The following MGME1 variants were observed in gnomAD, a reference collection of about 807,000 sequenced individuals.
MGME1 encodes the protein mitochondrial genome maintenance exonuclease 1.
In MGME1, 22 loss-of-function variants were observed where a neutral mutation model predicts 33.0. The observed-to-expected ratio is 0.67, with a 90% confidence interval of 0.48 to 0.95. The LOEUF (loss-of-function observed/expected upper bound fraction) is 0.95. MGME1 is among the 40% of genes least tolerant of loss of function. The pLI is 0.00. For missense variants in MGME1, 383 were observed against 397.8 expected, an observed-to-expected ratio of 0.96 and a Z score of 0.32; for synonymous variants, 133 against 144.0, an observed-to-expected ratio of 0.92 and a Z score of 0.55.
At chr20:17,978,129 A>T (rs60396879) in intron 3 of MGME1, among the ~76,000 whole-genome samples, 18,300 of 152,196 alleles carry the variant, frequency 0.12, 1,170 homozygotes, top group Middle Eastern at 0.18. Flanking sequence ...AATTCTTCCA[A>T]TGTGGGCCAG....
chr20:17,973,873 G>A (rs1029940276), intron 2 of MGME1, among the ~76,000 whole-genome samples: 1 of 152,148 alleles, frequency 6.6e-6, no homozygotes, highest in East Asian at 1.9e-4. Flanking sequence ...TGCCTGGTGG[G>A]ATAGGGCCTC....
upstream of MGME1, chr20:17,968,594 GC>G (rs1218164867): frequency 1.5e-6 from 1 of 654,154 alleles, no homozygotes. Flanking sequence ...CATCCCAGCT[GC>G]CCCGGGAGCA....
At position 17,969,988 on chromosome 20, in the gene MGME1, A is replaced by G. The variant is rs1489248683; in HGVS notation, c.129A>G (p.Pro43=). The G allele has an allele frequency of 6.2e-7, 1 of 1,614,216 alleles. No homozygotes were observed. The highest frequency in any genetic ancestry group is 1.3e-5 in the African/African-American group (1 of 75,048). ...GTGGCCGGAAGAAAAAAGTGAACCC[A>G]TATGAAGAAGTGGACCAAGAAAAAT... The part of the protein sequence containing the change: ...YSCGRKKKVN[P]YEEVDQEKYS... Residue 43 remains proline (P), a synonymous_variant, in exon 2 of 5, where the codon CCA becomes CCG. Transcript: ENST00000377710.
intron 2 of MGME1, among the ~76,000 whole-genome samples, chr20:17,973,909 A>G (rs751289859): frequency 6.6e-6 from 1 of 152,146 alleles, no homozygotes; most frequent in Non-Finnish European, 1.5e-5. Flanking sequence ...GGTAACTTAC[A>G]ATCCCTATTT....
chr20:17,969,830 GCAA>G lies in MGME1; in HGVS notation c.-29_-27del. Reference sequence around the variant, plus strand: ...ACAAACATAAAGGCCTTCGACCGTTGCAAATAGACTAAAGTGAAAACAAATCTG... The same window carrying G: ...ACAAACATAAAGGCCTTCGACCGTTGATAGACTAAAGTGAAAACAAATCTG... On this transcript the variant is annotated 5_prime_UTR_variant, in exon 2 of 5. Transcript: ENST00000377710. The G allele has an allele frequency of 5.1e-6, 8 of 1,572,906 alleles. No individual in the cohort carries two copies. Among genetic ancestry groups the G allele is most frequent in the Non-Finnish European group, 6.9e-6 (8 of 1,163,872 alleles).
At chr20:17,982,018 G>A (rs2036035900) in intron 3 of MGME1, among the ~76,000 whole-genome samples, 1 of 152,050 alleles carries the variant, frequency 6.6e-6, no homozygotes, top group Non-Finnish European at 1.5e-5. Flanking sequence ...TTTCCCTATT[G>A]GGAACACTCA....
Position 17,975,706 on chromosome 20 carries a change from G to C in MGME1, c.534G>C (p.Arg178=). Residue 178 remains arginine, a synonymous_variant, in exon 3 of 5, where the codon CGG becomes CGC. Transcript: ENST00000377710. ...CAGACGTCTTTTTACAAGGGAAACG[G>C]TTCCACGAAGCCTTGGAAAGCATAC... The part of the protein sequence containing the change: ...YTSNVFLQGK[R]FHEALESILS... 3 of 1,613,736 alleles carry C rather than the reference G, an allele frequency of 1.9e-6. No individual in the cohort carries two copies. The highest frequency in any genetic ancestry group is 2.5e-6 in the Non-Finnish European group (3 of 1,179,766).
chr20:17,990,233 G>A lies in MGME1; in HGVS notation c.*124G>A, dbSNP rs11908007. ...GAGTGCTACACGAACACAAGTAGAA[G>A]TATTAATTTGTTGAAATGTGTTGTT... On this transcript the variant is annotated 3_prime_UTR_variant, in exon 5 of 5. Coordinates refer to ENST00000377710, the MANE Select transcript of MGME1 (RefSeq NM_052865.4). The A allele has an allele frequency of 1.2e-6, 1 of 815,954 alleles. No individual in the cohort carries two copies. The highest frequency in any genetic ancestry group is 2.0e-6 in the Non-Finnish European group (1 of 493,628). 50.5% of individuals were successfully genotyped at this position (815,954 alleles called of 1,614,324 possible). A position where few individuals can be genotyped will look rare whatever the true frequency, so the allele number is the denominator to read the frequency against.
intron 3 of MGME1, among the ~76,000 whole-genome samples, chr20:17,984,255 G>A (rs2036101544): frequency 6.6e-6 from 1 of 152,082 alleles, no homozygotes; most frequent in South Asian, 2.1e-4. Context: ...TGTTCCATTG[G>A]TTTAAGGTGT....
At chr20:17,972,935 A>G (rs1400986894) in intron 2 of MGME1, among the ~76,000 whole-genome samples, 1 of 152,194 alleles carries the variant, frequency 6.6e-6, no homozygotes, top group Non-Finnish European at 1.5e-5. Flanking sequence ...TCACGTGTTA[A>G]TAATTCCAAT....
intron 3 of MGME1, among the ~76,000 whole-genome samples, chr20:17,982,982 G>A (rs1028999218): frequency 6.6e-6 from 1 of 152,010 alleles, no homozygotes; most frequent in Non-Finnish European, 1.5e-5. Flanking sequence ...ACCATGCTGT[G>A]CAACAGATCA....
At chr20:17,985,598 C>CTCACTCAA (rs2036135546) in intron 3 of MGME1, among the ~76,000 whole-genome samples, 1 of 152,232 alleles carries the variant, frequency 6.6e-6, no homozygotes, top group Non-Finnish European at 1.5e-5. Flanking sequence ...TCACCGCTCA[C>CTCACTCAA]TCACTCAATC....
rs968896979 is a variant in MGME1 at position 17,969,046 on chromosome 20, G to A, written c.-155G>A. On this transcript the variant is annotated 5_prime_UTR_variant, in exon 1 of 5. Coordinates refer to ENST00000377710, the MANE Select transcript of MGME1 (RefSeq NM_052865.4). ...CTGGACCTGCTTTGCCTTAGGCTGT[G>A]CCTAATTCGAAACCAAAGCGCGGGA... 6.6e-6 allele frequency: 1 copy of A among 152,612 alleles called. No individual in the cohort carries two copies. Among genetic ancestry groups the A allele is most frequent in the South Asian group, 2.0e-4 (1 of 5,062 alleles). 9.5% of individuals were successfully genotyped at this position (152,612 alleles called of 1,614,324 possible).
chr20:17,981,900 A>G (rs776800996), intron 3 of MGME1, among the ~76,000 whole-genome samples: 1 of 151,938 alleles, frequency 6.6e-6, no homozygotes, highest in Non-Finnish European at 1.5e-5. Flanking sequence ...TGATCCACCC[A>G]TCTCAGCCTC....
At chr20:17,976,455 T>C (rs751379641) in intron 3 of MGME1, among the ~76,000 whole-genome samples, 1 of 152,090 alleles carries the variant, frequency 6.6e-6, no homozygotes, top group Non-Finnish European at 1.5e-5. Flanking sequence ...CATGGCCTGT[T>C]TGCCAGCCTG....
At chr20:17,980,069 A>G (rs2035969857) in intron 3 of MGME1, among the ~76,000 whole-genome samples, 1 of 152,100 alleles carries the variant, frequency 6.6e-6, no homozygotes, top group Non-Finnish European at 1.5e-5. Flanking sequence ...GTTGTCGCCC[A>G]GGCTGGAGTA....
At chr20:17,989,887 A>C in intron 4 of MGME1, 52 bp from the exon 5 acceptor site, 2 of 1,561,044 alleles carry the variant, frequency 1.3e-6, no homozygotes, top group African/African-American at 1.4e-5. Context: ...AAACGAACCT[A>C]AACTCTGGAC....
chr20:17,980,683 C>G (rs1245006125), intron 3 of MGME1, among the ~76,000 whole-genome samples: 1 of 151,872 alleles, frequency 6.6e-6, no homozygotes, highest in Non-Finnish European at 1.5e-5. Context: ...GTGGCAGGCG[C>G]CTGTAGTCCC....
At position 17,970,144 on chromosome 20, in the gene MGME1, AGTG is replaced by A. The variant is rs1348327653; in HGVS notation, c.286_288del (p.Val96del). ...TGCCAAACCAAGGTGAGGACAGACG[AGTG>A]CCACAAAACTGGTTTCCTATCTTCA... On this transcript the variant is annotated inframe_deletion, in exon 2 of 5. Transcript: ENST00000377710. The A allele has an allele frequency of 2.5e-6, 4 of 1,614,244 alleles. No individual in the cohort carries two copies. The Admixed American group carries it at 6.7e-5, about 27-fold the overall frequency.
Sources: allele counts gnomAD v4.1 joint callset (sites outside exome capture counted in the v4.1 genomes callset), GRCh38; gene constraint gnomAD v4.1.1; transcripts MANE v1.5; gene names NCBI Gene and HGNC (gene_info 2026-07-23, HGNC 2026-07-21).